Variants in USP3 observed in about 807,000 individuals in gnomAD.
The protein encoded by USP3 is ubiquitin carboxyl-terminal hydrolase 3.
USP3 carries 20 observed loss-of-function variants against 72.3 expected under a neutral mutation model. That is an observed-to-expected ratio of 0.28 (90% CI 0.19 to 0.40). The LOEUF (loss-of-function observed/expected upper bound fraction) is 0.40, where lower values mean the gene tolerates loss of function less well. Ranked by LOEUF, USP3 falls within the 10% of genes least tolerant of loss-of-function variation. The probability of loss-of-function intolerance (pLI) is 1.00; values close to 1 mark genes in which losing one functional copy is unlikely to be tolerated. For missense variants in USP3, 479 were observed against 633.9 expected (o/e 0.76, Z 2.62); for synonymous variants, 222 against 225.3 (o/e 0.99, Z 0.13).
At chr15:63,530,533 G>A (rs779611256) in intron 1 of USP3, 83 of 365,728 alleles carry the variant, frequency 2.3e-4, no homozygotes, top group Admixed American at 9.3e-4. Context: ...AGCTGGTCTC[G>A]AACTCCTGGA....
chr15:63,512,399 CTTCTTCTTCT>C (rs2065801820), intron 1 of USP3, among the ~76,000 whole-genome samples: 1 of 145,056 alleles, frequency 6.9e-6, no homozygotes. Context: ...TTCTTTCTTC[CTTCTTCTTCT>C]TTCTTCTTTC....
At chr15:63,580,073 T>C (rs1466023749) in intron 11 of USP3, among the ~76,000 whole-genome samples, 1 of 152,126 alleles carries the variant, frequency 6.6e-6, no homozygotes, top group African/African-American at 2.4e-5. Context: ...TTGAAAAAAA[T>C]CAAACAATTT....
chr15:63,519,243 T>C (rs1273397733), intron 1 of USP3, among the ~76,000 whole-genome samples: 1 of 152,106 alleles, frequency 6.6e-6, no homozygotes, highest in Non-Finnish European at 1.5e-5. Flanking sequence ...TAATCCAGGA[T>C]CATGTGTTAT....
intron 3 of USP3, among the ~76,000 whole-genome samples, chr15:63,543,559 G>T (rs944950304): frequency 3.9e-5 from 6 of 152,162 alleles, no homozygotes; most frequent in Admixed American, 3.3e-4. Context: ...TTCACCTGTG[G>T]TGTCCTCATT....
intron 8 of USP3, among the ~76,000 whole-genome samples, chr15:63,568,352 T>TAAAAAAAAAAAAA (rs545943861): frequency 7.6e-6 from 1 of 131,484 alleles, no homozygotes. Flanking sequence ...AGACTCCATC[T>TAAAAAAAAAAAAA]AAAAAAAAAA....
rs267604280 is a variant in USP3 at position 63,574,383 on chromosome 15, G to A, written c.1076G>A (p.Gly359Glu). Residue 359 changes from glycine to glutamate, a missense_variant, in exon 11 of 15, where the codon GGA (glycine) becomes GAA (glutamate). Transcript: ENST00000380324. This position sits in a 1 kb window ranked among gnomAD's most constrained non-coding sequence, Gnocchi z 4.6. Reference sequence around the variant, plus strand: ...AAGCGCTCTAAGAATCAAGAAAATGGACCAGTTTGTTCGTTACGAGGTAAA... The same window carrying A: ...AAGCGCTCTAAGAATCAAGAAAATGAACCAGTTTGTTCGTTACGAGGTAAA... ...RSKRSKNQEN[G>E]PVCSLRDCLR... is the part of the protein sequence containing the mutation. The A allele has an allele frequency of 1.9e-6, 3 of 1,604,752 alleles. No individual in the cohort carries two copies. Among genetic ancestry groups the A allele is most frequent in the Non-Finnish European group, 2.5e-6 (3 of 1,176,486 alleles).
chr15:63,548,509 G>C (rs542905067), intron 3 of USP3, among the ~76,000 whole-genome samples: 3 of 151,950 alleles, frequency 2.0e-5, no homozygotes, highest in African/African-American at 7.2e-5. Flanking sequence ...TATTTTTTTA[G>C]TAGAGACAGG....
At chr15:63,565,931 G>A (rs1434709877) in intron 8 of USP3, among the ~76,000 whole-genome samples, 1 of 152,152 alleles carries the variant, frequency 6.6e-6, no homozygotes, top group Non-Finnish European at 1.5e-5. Context: ...GCTAGCCTTT[G>A]TCACTCCTTG....
intron 1 of USP3, among the ~76,000 whole-genome samples, chr15:63,524,083 A>C (rs1022287965): frequency 1.3e-5 from 2 of 152,208 alleles, no homozygotes; most frequent in Non-Finnish European, 2.9e-5. Flanking sequence ...TATTGTTAGG[A>C]ATGATGTTTG....
chr15:63,573,962 G>A, intron 9 of USP3, 84 bp from the exon 10 acceptor site: 2 of 879,674 alleles, frequency 2.3e-6, no homozygotes, highest in Non-Finnish European at 3.3e-6. Context: ...ATCTGTAGGG[G>A]CTTTAACAAA....
rs1595694781 is a variant in USP3, at chr15:63,504,688, C to T, written c.-52C>T. On this transcript the variant is annotated 5_prime_UTR_variant, in exon 1 of 15. Transcript: ENST00000380324. ...GGAGCCTCCGGAGTTCCTCCGCCCC[C>T]ACCTCGCCGGGTCCTGGAGCCGCAG... The T allele has an allele frequency of 7.4e-6, 11 of 1,478,772 alleles. No homozygotes were observed. Among genetic ancestry groups the T allele is most frequent in the Non-Finnish European group, 1.0e-5 (11 of 1,097,420 alleles). The allele number at this position is 1,478,772 out of a possible 1,614,324, so 91.6% of individuals were successfully genotyped here.
At chr15:63,516,194 A>T in intron 1 of USP3, among the ~76,000 whole-genome samples, 1 of 152,170 alleles carries the variant, frequency 6.6e-6, no homozygotes, top group East Asian at 1.9e-4. Context: ...TGTTCCTTTA[A>T]ACCTGTCAAA....
chr15:63,577,633 C>G (rs554786421), intron 11 of USP3, among the ~76,000 whole-genome samples: 1 of 152,108 alleles, frequency 6.6e-6, no homozygotes, highest in South Asian at 2.1e-4. Flanking sequence ...GTACCTGTAA[C>G]CCCAGCTATT....
intron 1 of USP3, among the ~76,000 whole-genome samples, chr15:63,525,682 T>G (rs1483135734): frequency 2.0e-5 from 3 of 152,220 alleles, no homozygotes; most frequent in Non-Finnish European, 4.4e-5. Context: ...GAACATGCAG[T>G]TCAGAGAGGA....
intron 5 of USP3, among the ~76,000 whole-genome samples, chr15:63,557,488 C>T (rs1052391613): frequency 6.6e-6 from 1 of 152,142 alleles, no homozygotes; most frequent in Non-Finnish European, 1.5e-5. Context: ...GTCTCGAACT[C>T]CTGAGCTCAG....
intron 3 of USP3, among the ~76,000 whole-genome samples, chr15:63,538,608 C>T (rs1179792236): frequency 1.3e-5 from 2 of 150,714 alleles, no homozygotes; most frequent in East Asian, 3.9e-4. Context: ...GTGCAGTGGC[C>T]GATCTCCGCT....
At chr15:63,582,306 T>C (rs1418650002) in intron 11 of USP3, among the ~76,000 whole-genome samples, 2 of 152,232 alleles carry the variant, frequency 1.3e-5, no homozygotes, top group East Asian at 3.9e-4. Context: ...CTAATCCAAC[T>C]AGGGTTTACT....
chr15:63,511,138 G>T (rs2065774625), intron 1 of USP3, among the ~76,000 whole-genome samples: 1 of 151,498 alleles, frequency 6.6e-6, no homozygotes, highest in Non-Finnish European at 1.5e-5. Flanking sequence ...CATCCTTGTA[G>T]TTTTTCCTAT....
In USP3 at chr15:63,590,759, T is replaced by TGAAGGC; in HGVS notation, c.1503_1508dup (p.Lys502_Ala503dup). On this transcript the variant is annotated inframe_insertion, in exon 15 of 15. Transcript: ENST00000380324. The stretch of plus-strand genomic sequence containing the variant: ...ACACTGACTGACGAGGAGACTGTGG[T>TGAAGGC]GAAGGCGAAGGCCTACATCCTTTTC... The TGAAGGC allele has an allele frequency of 6.2e-7, 1 of 1,614,148 alleles. No homozygotes were observed. Among genetic ancestry groups the TGAAGGC allele is most frequent in the Non-Finnish European group, 8.5e-7 (1 of 1,180,012 alleles).
Sources: gnomAD v4.1 joint callset for allele counts (sites outside exome capture counted in the v4.1 genomes callset) on GRCh38, gnomAD v4.1.1 for gene constraint, Gnocchi (gnomAD v3.1) non-coding constraint, MANE v1.5 for transcripts, NCBI Gene and HGNC (gene_info 2026-07-23, HGNC 2026-07-21) for gene names.